The following GPR39 variants were observed in gnomAD, a reference collection of about 807,000 sequenced individuals.
The protein encoded by GPR39 is zinc sensing receptor.
A neutral mutation model predicts 18.4 loss-of-function variants in GPR39; 23 were observed. That is an observed-to-expected ratio of 1.25 (90% CI 0.90 to 1.77). The LOEUF (loss-of-function observed/expected upper bound fraction) is 1.77. Among genes scored for constraint, GPR39 ranks in the 40% most tolerant of loss-of-function variants. The pLI, the probability that GPR39 is intolerant of heterozygous loss-of-function variation, is 0.00. For synonymous variants in GPR39, 280 were observed against 257.9 expected (o/e 1.09, Z -0.82); for missense variants, 647 against 602.4 (o/e 1.07, Z -0.78).
chr2:132,537,435 C>G (rs1016160635), intron 1 of GPR39, among the ~76,000 whole-genome samples: 3 of 152,036 alleles, frequency 2.0e-5, no homozygotes, highest in Non-Finnish European at 4.4e-5. Context: ...GCTGAGAAAT[C>G]CACTGTTAGT....
At chr2:132,551,306 G>A (rs1680039706) in intron 1 of GPR39, among the ~76,000 whole-genome samples, 1 of 152,038 alleles carries the variant, frequency 6.6e-6, no homozygotes, top group African/African-American at 2.4e-5. Context: ...TCCCAGATAT[G>A]TCCAAGAAGT....
At chr2:132,524,437 C>T (rs1215406951) in intron 1 of GPR39, among the ~76,000 whole-genome samples, 2 of 152,176 alleles carry the variant, frequency 1.3e-5, no homozygotes, top group African/African-American at 4.8e-5. Context: ...GGGCTCCCTT[C>T]CTCCCATCTA....
intron 1 of GPR39, among the ~76,000 whole-genome samples, chr2:132,620,542 TC>T (rs1408522864): frequency 1.3e-5 from 2 of 151,956 alleles, no homozygotes; most frequent in East Asian, 3.9e-4. Context: ...CGCCCCTCCT[TC>T]CCCCCTGCGT....
At chr2:132,546,686 G>C (rs1163283042) in intron 1 of GPR39, among the ~76,000 whole-genome samples, 1 of 151,220 alleles carries the variant, frequency 6.6e-6, no homozygotes, top group Non-Finnish European at 1.5e-5. Flanking sequence ...CTATAAAATA[G>C]AAAACTCGGT....
At chr2:132,529,751 G>A (rs1389233815) in intron 1 of GPR39, among the ~76,000 whole-genome samples, 2 of 152,220 alleles carry the variant, frequency 1.3e-5, no homozygotes, top group African/African-American at 2.4e-5. Context: ...AGGGTCTGGA[G>A]TGGACCTCCA....
intron 1 of GPR39, among the ~76,000 whole-genome samples, chr2:132,440,861 C>A (rs1328873461): frequency 4.6e-5 from 7 of 152,226 alleles, no homozygotes; most frequent in Non-Finnish European, 5.9e-5. Flanking sequence ...TGTGCCCTTG[C>A]AGGGCGTGAC....
chr2:132,579,010 T>A (rs1680578071), intron 1 of GPR39, among the ~76,000 whole-genome samples: 1 of 151,812 alleles, frequency 6.6e-6, no homozygotes, highest in African/African-American at 2.4e-5. Context: ...CTTTCATGGT[T>A]TTTTTCTCTC....
chr2:132,508,653 A>G (rs1003215202), intron 1 of GPR39, among the ~76,000 whole-genome samples: 1 of 152,166 alleles, frequency 6.6e-6, no homozygotes. Flanking sequence ...ACTAAAAACC[A>G]TATCTGTAAA....
At chr2:132,629,124 C>T (rs1681604136) in intron 1 of GPR39, among the ~76,000 whole-genome samples, 2 of 152,174 alleles carry the variant, frequency 1.3e-5, no homozygotes, top group Admixed American at 6.5e-5. Flanking sequence ...AATTAAGAGT[C>T]ATTGGAAAAA....
At chr2:132,465,961 A>G (rs950632034) in intron 1 of GPR39, among the ~76,000 whole-genome samples, 1 of 152,202 alleles carries the variant, frequency 6.6e-6, no homozygotes, top group South Asian at 2.1e-4. Flanking sequence ...TATAGTATTG[A>G]TGAAATTTTC....
chr2:132,553,121 T>G (rs1338165351), intron 1 of GPR39, among the ~76,000 whole-genome samples: 1 of 151,258 alleles, frequency 6.6e-6, no homozygotes, highest in Non-Finnish European at 1.5e-5. Context: ...AGATGGGGTT[T>G]TGCCATGTTG....
intron 1 of GPR39, among the ~76,000 whole-genome samples, chr2:132,569,737 A>G (rs1267358002): frequency 1.3e-5 from 2 of 151,842 alleles, no homozygotes; most frequent in Non-Finnish European, 2.9e-5. Context: ...CATAATTCCC[A>G]TGTGTTGTGG....
At chr2:132,467,169 AGT>A (rs1250161592) in intron 1 of GPR39, among the ~76,000 whole-genome samples, 1 of 152,158 alleles carries the variant, frequency 6.6e-6, no homozygotes, top group Non-Finnish European at 1.5e-5. Context: ...GGCCAAGAGG[AGT>A]GTGTCAGTCT....
At chr2:132,451,025 A>G (rs541980358) in intron 1 of GPR39, among the ~76,000 whole-genome samples, 59 of 152,254 alleles carry the variant, frequency 3.9e-4, no homozygotes, top group African/African-American at 1.4e-3. Context: ...GGCTGGTGGG[A>G]TCAACCTGCC....
intron 1 of GPR39, among the ~76,000 whole-genome samples, chr2:132,472,666 A>G (rs765637024): frequency 6.6e-6 from 1 of 152,160 alleles, no homozygotes; most frequent in East Asian, 1.9e-4. Context: ...TAGTGACCTG[A>G]CCATGAACTT....
At chr2:132,454,286 T>C (rs1024050561) in intron 1 of GPR39, among the ~76,000 whole-genome samples, 4 of 152,244 alleles carry the variant, frequency 2.6e-5, no homozygotes, top group Non-Finnish European at 4.4e-5. Flanking sequence ...TCTGTTTGTC[T>C]GTTAATGGTG....
rs571932150 is a variant in GPR39, at chr2:132,538,149, G to GT, written c.857-106947dup. ...CACTCTGGCATTTGGAATTTTCAGT[G>GT]TTTTTGCCCTGATTTTTCCTCATCA... is the stretch of plus-strand genomic sequence containing the variant. On this transcript the variant is annotated intron_variant, in intron 1 of 1. Transcript: ENST00000329321. Among the ~76,000 whole-genome samples the GT allele has an allele frequency of 4.4e-3, 669 of 152,170 alleles. 8 individuals are homozygous for GT. Among genetic ancestry groups the GT allele is most frequent in the Non-Finnish European group, 6.0e-3 (406 of 67,990 alleles).
chr2:132,500,781 TC>T (rs1201189165), intron 1 of GPR39, among the ~76,000 whole-genome samples: 3 of 152,156 alleles, frequency 2.0e-5, no homozygotes, highest in Non-Finnish European at 4.4e-5. Context: ...GTTCAGAGAT[TC>T]TATATCTTCC....
intron 1 of GPR39, among the ~76,000 whole-genome samples, chr2:132,514,879 A>G (rs1302039189): frequency 6.6e-6 from 1 of 152,210 alleles, no homozygotes; most frequent in African/African-American, 2.4e-5. Context: ...TCTTGTTTTA[A>G]CAATCTTAAT....
Sources: gnomAD v4.1 joint callset for allele counts (sites outside exome capture counted in the v4.1 genomes callset) on GRCh38, gnomAD v4.1.1 for gene constraint, MANE v1.5 for transcripts, NCBI Gene and HGNC (gene_info 2026-07-23, HGNC 2026-07-21) for gene names.